CLSPN: variants seen among roughly 807,000 people sequenced by gnomAD.
The protein encoded by CLSPN is claspin.
In CLSPN, 85 loss-of-function variants were observed where a neutral mutation model predicts 156.3. That is an observed-to-expected ratio of 0.54 (90% CI 0.46 to 0.65). The LOEUF is 0.65. Among genes scored for constraint, CLSPN ranks in the 30% least tolerant of loss-of-function variants. CLSPN has a pLI of 0.00. For missense variants in CLSPN, 1,407 were observed against 1,554.9 expected (o/e 0.90, Z 1.60); for synonymous variants, 534 against 542.4 (o/e 0.98, Z 0.22).
At position 35,741,906 on chromosome 1, in the gene CLSPN, G is replaced by A. The variant is rs373107252; in HGVS notation, c.3143+1235C>T. ...GAGAATCGCTTTGAACCCGGGAGGC[G>A]GAGGTTGCAGTGAGCCGAGATCATG... On this transcript the variant is annotated intron_variant, in intron 18 of 24. Transcript: ENST00000318121. 8.7e-5 allele frequency among the ~76,000 whole-genome samples: 13 copies of A among 148,666 alleles called. No homozygotes were observed. The East Asian group carries it at 1.0e-3, about 12-fold the overall frequency.
intron 24 of CLSPN, among the ~76,000 whole-genome samples, chr1:35,724,039 CT>C (rs1641128072): frequency 6.6e-6 from 1 of 152,104 alleles, no homozygotes; most frequent in South Asian, 2.1e-4. Context: ...GTAATGGGCC[CT>C]GCAACAGAGC....
chr1:35,753,901 C>T lies in CLSPN; in HGVS notation c.1615G>A (p.Ala539Thr). The change falls in exon 9 of 25, where the codon GCT becomes ACT. Residue 539 changes from alanine (A) to threonine (T), a missense_variant. Physicochemically the swap from Ala to Thr is moderately conservative, Grantham distance 58 (BLOSUM62 0). Around this residue, in one of 3 missense-constraint regions of CLSPN, gnomAD observed 1,096 missense variants for 1,193.0 expected, o/e 0.92. Transcript: ENST00000318121. ...GCCCTGGGTTTGGCTGCTGGATTAG[C>T]ATGCTTCCAGAAACGCTGCTTCAAG... ...EALKQRFWKH[A>T]NPAAKPRAGQ... 1 of 1,614,218 alleles carries T rather than the reference C, an allele frequency of 6.2e-7. No individual in the cohort carries two copies. The highest frequency in any genetic ancestry group is 8.5e-7 in the Non-Finnish European group (1 of 1,180,034).
At position 35,746,108 on chromosome 1, in the gene CLSPN, G is replaced by T. The variant is rs1641872070; in HGVS notation, c.2855-546C>A. ...TTACAGGCACGGGCCACCATGCCCA[G>T]ATAATTTTTTGTATTTTAGTAGAGA... On this transcript the variant is annotated intron_variant, in intron 15 of 24. Transcript: ENST00000318121. This position sits in a 1 kb window ranked among gnomAD's most constrained non-coding sequence, Gnocchi z 4.2. 6.6e-6 allele frequency among the ~76,000 whole-genome samples: 1 copy of T among 152,070 alleles called. No individual in the cohort carries two copies. The highest frequency in any genetic ancestry group is 2.4e-5 in the African/African-American group (1 of 41,404).
chr1:35,724,099 A>T (rs990445406), intron 24 of CLSPN, among the ~76,000 whole-genome samples: 2 of 152,176 alleles, frequency 1.3e-5, no homozygotes, highest in Non-Finnish European at 2.9e-5. Context: ...AAGGCTTCAC[A>T]GAGGTGATTT....
chr1:35,741,470 T>C (rs560147030), intron 18 of CLSPN, among the ~76,000 whole-genome samples: 1 of 152,156 alleles, frequency 6.6e-6, no homozygotes, highest in South Asian at 2.1e-4. Context: ...GCACTGGCCA[T>C]CACGCTTGGC....
At chr1:35,755,561 C>T (rs189320119) in intron 8 of CLSPN, among the ~76,000 whole-genome samples, 183 of 152,208 alleles carry the variant, frequency 1.2e-3, no homozygotes, top group Middle Eastern at 3.4e-3. Context: ...GAGTGAGCCA[C>T]TGCGACTGGC....
intron 8 of CLSPN, among the ~76,000 whole-genome samples, chr1:35,756,563 C>G (rs1476592432): frequency 1.3e-5 from 2 of 152,164 alleles, no homozygotes; most frequent in Non-Finnish European, 2.9e-5. Context: ...CATCACCTCT[C>G]ATCTCCTCTC....
chr1:35,759,829 C>CTTTTTTT (rs530890885), intron 8 of CLSPN, among the ~76,000 whole-genome samples: 4 of 128,270 alleles, frequency 3.1e-5, no homozygotes, highest in Non-Finnish European at 6.7e-5. Context: ...TATCAACAAC[C>CTTTTTTT]TTTTTTTTTT....
At position 35,769,931 on chromosome 1, in the gene CLSPN, G is replaced by C. The variant is rs1245088584; in HGVS notation, c.-61C>G. Reference sequence around the variant, plus strand: ...GCTGTCTCTGATTCCCTCAGCCGGAGAGCAGCGGCTCCCGCCGTCTCCAGC... The same window carrying C: ...GCTGTCTCTGATTCCCTCAGCCGGACAGCAGCGGCTCCCGCCGTCTCCAGC... On this transcript the variant is annotated 5_prime_UTR_variant, in exon 1 of 25. Transcript: ENST00000318121. 1.9e-6 allele frequency: 3 copies of C among 1,589,258 alleles called. No homozygotes were observed. The highest frequency in any genetic ancestry group is 2.6e-6 in the Non-Finnish European group (3 of 1,165,504).
At chr1:35,738,605 C>T in intron 20 of CLSPN, 23 bp from the exon 21 acceptor site, 1 of 1,612,964 alleles carries the variant, frequency 6.2e-7, no homozygotes, top group East Asian at 2.2e-5. Flanking sequence ...TGAAGGTAAT[C>T]AGCATTCGGC....
chr1:35,768,640 T>C (rs1283656089), intron 1 of CLSPN, among the ~76,000 whole-genome samples: 1 of 151,720 alleles, frequency 6.6e-6, no homozygotes, highest in Non-Finnish European at 1.5e-5. Context: ...GGTTTCGAAC[T>C]CTTGAGCTCA....
In CLSPN at chr1:35,764,718, G is replaced by A. The variant is rs770871879; in HGVS notation, c.134-4C>T. 77 of 1,549,446 alleles carry A rather than the reference G, an allele frequency of 5.0e-5. No individual in the cohort carries two copies. Among genetic ancestry groups the A allele is most frequent in the Non-Finnish European group, 6.5e-5 (75 of 1,153,390 alleles). On this transcript the variant is annotated splice_region_variant and splice_polypyrimidine_tract_variant and intron_variant, in intron 2 of 24. Coordinates refer to ENST00000318121, the MANE Select transcript of CLSPN (RefSeq NM_022111.4). ...ACAAATATCTCTTCATCTGAATCTG[G>A]AGGAAACAATTTTCTTTTAATTATA... is the stretch of plus-strand genomic sequence containing the variant.
rs368558401 is a variant in CLSPN at position 35,764,746 on chromosome 1, A to G, written c.134-32T>C. On this transcript the variant is annotated intron_variant, in intron 2 of 24. Transcript: ENST00000318121. Reference sequence around the variant, plus strand: ...GAAACAATTTTCTTTTAATTATACCATCATTTGATCTTCCTCCTAGTCCCA... The same window carrying G: ...GAAACAATTTTCTTTTAATTATACCGTCATTTGATCTTCCTCCTAGTCCCA... The G allele has an allele frequency of 1.1e-5, 15 of 1,393,336 alleles. No individual in the cohort carries two copies. The African/African-American group carries it at 1.6e-4, about 15-fold the overall frequency. The allele number at this position is 1,393,336 out of a possible 1,614,324, so 86.3% of individuals were successfully genotyped here.
chr1:35,728,917 C>T (rs911409182), downstream of CLSPN, among the ~76,000 whole-genome samples: 3 of 126,954 alleles, frequency 2.4e-5, no homozygotes, highest in African/African-American at 8.9e-5. Context: ...TCACCCTCCC[C>T]TCAAACACAC....
intron 1 of CLSPN, among the ~76,000 whole-genome samples, chr1:35,767,779 G>A (rs759945573): frequency 4.6e-5 from 7 of 152,154 alleles, no homozygotes; most frequent in Non-Finnish European, 7.3e-5. Flanking sequence ...CATTTCAGAC[G>A]AGAGATATTC....
intron 24 of CLSPN, chr1:35,721,122 T>C: frequency 1.7e-6 from 1 of 598,170 alleles, no homozygotes; most frequent in Non-Finnish European, 3.0e-6. Flanking sequence ...GAGTGGAATT[T>C]CTTTCACCGA....
At position 35,732,577 on chromosome 1, in the gene CLSPN, C is replaced by G. The variant is rs1351193092; in HGVS notation, c.*3919G>C. The G allele has an allele frequency of 1.0e-6, 1 of 985,206 alleles. No individual in the cohort carries two copies. The highest frequency in any genetic ancestry group is 1.7e-5 in the African/African-American group (1 of 57,194). 61.0% of individuals were successfully genotyped at this position (985,206 alleles called of 1,614,324 possible). ...AGAGACCTGTTTAAAGAGGTTAATA[C>G]CATGTATCCCTACTCAAGTGTATGG... On this transcript the variant is annotated 3_prime_UTR_variant, in exon 25 of 25. Transcript: ENST00000318121.
At chr1:35,759,237 G>A (rs1475732502) in intron 8 of CLSPN, among the ~76,000 whole-genome samples, 1 of 152,184 alleles carries the variant, frequency 6.6e-6, no homozygotes, top group Non-Finnish European at 1.5e-5. Context: ...AGGGAACAAG[G>A]CAGAAGATAC....
intron 18 of CLSPN, among the ~76,000 whole-genome samples, chr1:35,741,657 T>C (rs1048754318): frequency 6.6e-6 from 1 of 152,114 alleles, no homozygotes; most frequent in African/African-American, 2.4e-5. Context: ...TTTACTTTCA[T>C]GACCAGAACA....
Sources: gnomAD v4.1 joint callset for allele counts (sites outside exome capture counted in the v4.1 genomes callset) on GRCh38, gnomAD v4.1.1 for gene constraint, gnomAD v4.1.1 regional missense constraint, Gnocchi (gnomAD v3.1) non-coding constraint, MANE v1.5 for transcripts, NCBI Gene and HGNC (gene_info 2026-07-23, HGNC 2026-07-21) for gene names.